Variants in GAP43 observed in about 807,000 individuals in gnomAD.
GAP43 encodes growth associated protein 43, also known as neuromodulin.
Under a neutral mutation model 18.6 loss-of-function variants are expected in GAP43, and 6 were observed. The ratio of observed to expected loss-of-function variants is 0.32; its 90% CI spans 0.18 to 0.64. The LOEUF (loss-of-function observed/expected upper bound fraction) is 0.64. GAP43 is among the 30% of genes least tolerant of loss of function. GAP43 has a pLI of 0.78. For missense variants in GAP43, 292 were observed against 295.5 expected (o/e 0.99, Z 0.09); for synonymous variants, 115 against 111.4 (o/e 1.03, Z -0.20).
chr3:115,663,181 C>T (rs1481676107), intron 1 of GAP43, among the ~76,000 whole-genome samples: 2 of 152,074 alleles, frequency 1.3e-5, no homozygotes, highest in African/African-American at 2.4e-5. Flanking sequence ...GCAATTTGTA[C>T]GGCATGCGTG....
In GAP43 at chr3:115,697,494, G is replaced by GA. The variant is rs576133292; in HGVS notation, c.628+20885dup. Reference sequence around the variant, plus strand: ...AATGACCGGAAGATGATGGCCGCTGGACAGCAACTATAACTGGGTTGTGTC... The same window carrying GA: ...AATGACCGGAAGATGATGGCCGCTGGAACAGCAACTATAACTGGGTTGTGTC... On this transcript the variant is annotated intron_variant, in intron 2 of 2. Transcript: ENST00000305124. Among the ~76,000 whole-genome samples the GA allele has an allele frequency of 1.3e-4, 20 of 152,270 alleles. No homozygotes were observed. The South Asian group carries it at 4.1e-3, about 32-fold the overall frequency.
chr3:115,647,867 T>G (rs1708476321), intron 1 of GAP43, among the ~76,000 whole-genome samples: 1 of 152,028 alleles, frequency 6.6e-6, no homozygotes, highest in South Asian at 2.1e-4. Context: ...CATGCAGGAT[T>G]GCATGGAAGA....
chr3:115,655,570 A>G (rs1375726123), intron 1 of GAP43, among the ~76,000 whole-genome samples: 1 of 152,216 alleles, frequency 6.6e-6, no homozygotes, highest in Non-Finnish European at 1.5e-5. Flanking sequence ...TAGTATGTAC[A>G]GAATATTATA....
At chr3:115,706,169 G>A in intron 2 of GAP43, among the ~76,000 whole-genome samples, 1 of 125,964 alleles carries the variant, frequency 7.9e-6, no homozygotes, top group East Asian at 2.1e-4. Flanking sequence ...CTGGAAATGA[G>A]AACTTTCTCA....
At chr3:115,659,848 T>C (rs1708634915) in intron 1 of GAP43, among the ~76,000 whole-genome samples, 1 of 152,178 alleles carries the variant, frequency 6.6e-6, no homozygotes, top group South Asian at 2.1e-4. Context: ...TGAAGCCAAC[T>C]GTGGTAGAGG....
intron 2 of GAP43, among the ~76,000 whole-genome samples, chr3:115,707,661 T>G (rs925352633): frequency 1.8e-4 from 27 of 152,176 alleles, no homozygotes; most frequent in African/African-American, 5.8e-4. Context: ...TTTGCGCATC[T>G]AAAAATAGTT....
chr3:115,674,861 T>C (rs1273592035), intron 1 of GAP43, among the ~76,000 whole-genome samples: 2 of 152,252 alleles, frequency 1.3e-5, no homozygotes, highest in African/African-American at 4.8e-5. Flanking sequence ...ATGGGATTTA[T>C]GGTTTAAACT....
intron 2 of GAP43, among the ~76,000 whole-genome samples, chr3:115,696,085 A>G (rs1709185549): frequency 6.6e-6 from 1 of 151,328 alleles, no homozygotes; most frequent in Non-Finnish European, 1.5e-5. Flanking sequence ...ATTTACATTT[A>G]TGACTTTGGT....
intron 1 of GAP43, among the ~76,000 whole-genome samples, chr3:115,626,851 C>T (rs914813670): frequency 6.6e-6 from 1 of 152,094 alleles, no homozygotes; most frequent in Non-Finnish European, 1.5e-5. Context: ...AAAATTCCGA[C>T]CTCTCTGCCT....
intron 2 of GAP43, among the ~76,000 whole-genome samples, chr3:115,698,248 A>T (rs1576998737): frequency 3.0e-5 from 1 of 33,400 alleles, no homozygotes; most frequent in African/African-American, 9.0e-5. Flanking sequence ...AATATATATA[A>T]TATATAATAT....
intron 1 of GAP43, among the ~76,000 whole-genome samples, chr3:115,639,354 C>T (rs1708368992): frequency 6.6e-6 from 1 of 152,036 alleles, no homozygotes; most frequent in African/African-American, 2.4e-5. Flanking sequence ...TTCTTAATAT[C>T]TGGGCTAAGG....
intron 2 of GAP43, among the ~76,000 whole-genome samples, chr3:115,686,345 G>A (rs1301858259): frequency 6.6e-6 from 1 of 152,154 alleles, no homozygotes; most frequent in Non-Finnish European, 1.5e-5. Context: ...TTCAACATTC[G>A]CAGTCATTTC....
chr3:115,712,878 A>G (rs1312711221), intron 2 of GAP43, among the ~76,000 whole-genome samples: 1 of 152,170 alleles, frequency 6.6e-6, no homozygotes, highest in Non-Finnish European at 1.5e-5. Flanking sequence ...CCTTTAGTGT[A>G]TAGTGTTATT....
chr3:115,678,360 G>T (rs1435960907), intron 2 of GAP43, among the ~76,000 whole-genome samples: 1 of 152,126 alleles, frequency 6.6e-6, no homozygotes, highest in Non-Finnish European at 1.5e-5. Flanking sequence ...ACAGAGAAAT[G>T]ATGTGATTTT....
intron 1 of GAP43, among the ~76,000 whole-genome samples, chr3:115,666,048 G>A (rs1212749190): frequency 6.6e-6 from 1 of 151,138 alleles, no homozygotes; most frequent in East Asian, 1.9e-4. Context: ...GGGATGTCAG[G>A]TGAAGGTCAC....
intron 2 of GAP43, among the ~76,000 whole-genome samples, chr3:115,701,833 C>G (rs1043524858): frequency 1.3e-5 from 2 of 152,094 alleles, no homozygotes; most frequent in African/African-American, 4.8e-5. Context: ...TGGTTCCATG[C>G]CCAAATTGTA....
chr3:115,700,123 C>T (rs944401796), intron 2 of GAP43, among the ~76,000 whole-genome samples: 3 of 152,164 alleles, frequency 2.0e-5, no homozygotes, highest in Non-Finnish European at 4.4e-5. Flanking sequence ...CACAAGTTAG[C>T]CTTAGTGTTC....
chr3:115,709,398 G>A (rs569337058), intron 2 of GAP43, among the ~76,000 whole-genome samples: 4 of 152,264 alleles, frequency 2.6e-5, no homozygotes, highest in African/African-American at 9.6e-5. Flanking sequence ...TGCAAAGGCT[G>A]GAGGCTGAAA....
At chr3:115,678,041 C>T (rs1463187747) in intron 2 of GAP43, among the ~76,000 whole-genome samples, 1 of 152,172 alleles carries the variant, frequency 6.6e-6, no homozygotes, top group African/African-American at 2.4e-5. Context: ...TTTATTCTAA[C>T]ACACAACTGT....
Sources: allele counts gnomAD v4.1 joint callset (sites outside exome capture counted in the v4.1 genomes callset), GRCh38; gene constraint gnomAD v4.1.1; transcripts MANE v1.5; gene names NCBI Gene and HGNC (gene_info 2026-07-23, HGNC 2026-07-21).